DPYD: variants seen among roughly 807,000 people sequenced by gnomAD.
DPYD encodes dihydropyrimidine dehydrogenase.
DPYD carries 109 observed loss-of-function variants against 116.2 expected under a neutral mutation model. The ratio of observed to expected loss-of-function variants is 0.94; its 90% confidence interval spans 0.80 to 1.10. DPYD has a LOEUF of 1.10. DPYD is among the 50% of genes least tolerant of loss of function. The probability of loss-of-function intolerance (pLI) is 0.00; values close to 1 mark genes in which losing one functional copy is unlikely to be tolerated. For synonymous variants in DPYD, 440 were observed against 432.0 expected, an observed-to-expected ratio of 1.02 and a Z score of -0.23; for missense variants, 1,302 against 1,254.5, an observed-to-expected ratio of 1.04 and a Z score of -0.57.
chr1:97,255,708 G>GTTT (rs11428644), intron 18 of DPYD, among the ~76,000 whole-genome samples: 26 of 149,260 alleles, frequency 1.7e-4, no homozygotes, highest in East Asian at 7.9e-4. Flanking sequence ...TATTTTTGCC[G>GTTT]TTTTTTTTTT....
chr1:97,540,449 A>G (rs1370927948), intron 12 of DPYD, among the ~76,000 whole-genome samples: 1 of 152,136 alleles, frequency 6.6e-6, no homozygotes, highest in East Asian at 1.9e-4. Context: ...TACAAACACA[A>G]CAGTCAGATG....
intron 18 of DPYD, among the ~76,000 whole-genome samples, chr1:97,302,730 A>G (rs1433108155): frequency 1.3e-5 from 2 of 152,038 alleles, no homozygotes; most frequent in Non-Finnish European, 2.9e-5. Flanking sequence ...ATAAGTGTAT[A>G]TTATGTGTAT....
At chr1:97,724,647 G>T (rs1030378471) in intron 4 of DPYD, among the ~76,000 whole-genome samples, 1 of 151,284 alleles carries the variant, frequency 6.6e-6, no homozygotes, top group Admixed American at 6.6e-5. Context: ...ATTAGATGAG[G>T]CTCACCTACA....
chr1:97,837,577 A>C (rs927857816), intron 2 of DPYD, among the ~76,000 whole-genome samples: 4 of 152,152 alleles, frequency 2.6e-5, no homozygotes, highest in Non-Finnish European at 5.9e-5. Flanking sequence ...ATTATAGTCT[A>C]AACTCCTATT....
At chr1:97,788,790 C>T (rs565417830) in intron 3 of DPYD, among the ~76,000 whole-genome samples, 5 of 152,236 alleles carry the variant, frequency 3.3e-5, no homozygotes, top group African/African-American at 9.6e-5. Context: ...AAAATACAAG[C>T]TGTATTATTT....
chr1:97,721,452 T>G (rs1662917686), intron 5 of DPYD, 58 bp downstream of exon 5: 1 of 1,598,090 alleles, frequency 6.3e-7, no homozygotes, highest in Non-Finnish European at 8.6e-7. Context: ...AAAGTTATTT[T>G]AAGATATTTG....
At chr1:97,318,192 C>G (rs367790325) in intron 16 of DPYD, among the ~76,000 whole-genome samples, 16 of 145,482 alleles carry the variant, frequency 1.1e-4, no homozygotes, top group Middle Eastern at 3.4e-3. Context: ...AAATCACCAG[C>G]TAACATCATA....
At chr1:97,671,803 C>T (rs2100897579) in intron 8 of DPYD, among the ~76,000 whole-genome samples, 1 of 151,836 alleles carries the variant, frequency 6.6e-6, no homozygotes, top group Non-Finnish European at 1.5e-5. Flanking sequence ...TGCACACAAC[C>T]AAAAATGACA....
At chr1:97,236,084 G>A (rs892097581) in intron 18 of DPYD, among the ~76,000 whole-genome samples, 38 of 152,268 alleles carry the variant, frequency 2.5e-4, no homozygotes, top group African/African-American at 8.7e-4. Flanking sequence ...AAACATCCCA[G>A]AGTACATTAA....
chr1:97,450,058 C>G lies in DPYD; in HGVS notation c.1905+1G>C, dbSNP rs3918290. On this transcript the variant is annotated splice_donor_variant, in intron 14 of 22. Coordinates refer to ENST00000370192, the MANE Select transcript of DPYD (RefSeq NM_000110.4). LOFTEE classifies it high-confidence loss of function. The stretch of plus-strand genomic sequence containing the variant: ...TGTTTTAGATGTTAAATCACACTTA[C>G]GTTGTCTGGAAAGTCAGCCTTTAGT... The G allele has an allele frequency of 3.1e-6, 5 of 1,613,792 alleles. No homozygotes were observed. The highest frequency in any genetic ancestry group is 1.7e-5 in the Admixed American group (1 of 59,964).
chr1:97,176,875 TGTG>T (rs1657303650), intron 20 of DPYD, among the ~76,000 whole-genome samples: 1 of 120,952 alleles, frequency 8.3e-6, no homozygotes, highest in African/African-American at 4.4e-5. Context: ...AAAATGTGTG[TGTG>T]TGTGTGTGTG....
intron 20 of DPYD, among the ~76,000 whole-genome samples, chr1:97,173,313 C>CACACATATAT (rs534001431): frequency 1.7e-5 from 2 of 117,430 alleles, no homozygotes; most frequent in African/African-American, 6.4e-5. Context: ...CATATATATG[C>CACACATATAT]ACACATATAT....
chr1:97,129,187 G>A (rs1380753964), intron 20 of DPYD, among the ~76,000 whole-genome samples: 1 of 151,068 alleles, frequency 6.6e-6, no homozygotes, highest in African/African-American at 2.4e-5. Context: ...CCTCAGCCTT[G>A]CAAGTAGCTG....
intron 12 of DPYD, among the ~76,000 whole-genome samples, chr1:97,528,150 A>C (rs561891091): frequency 1.3e-5 from 2 of 152,300 alleles, no homozygotes; most frequent in Non-Finnish European, 2.9e-5. Flanking sequence ...ATTGAGGGAA[A>C]AATCTTACAG....
At chr1:97,537,752 G>T (rs1650123286) in intron 12 of DPYD, among the ~76,000 whole-genome samples, 1 of 152,164 alleles carries the variant, frequency 6.6e-6, no homozygotes, top group African/African-American at 2.4e-5. Flanking sequence ...CAAATTAGAT[G>T]AAATTAATGT....
intron 8 of DPYD, among the ~76,000 whole-genome samples, chr1:97,660,701 T>C (rs1052513123): frequency 6.6e-6 from 1 of 152,124 alleles, no homozygotes; most frequent in African/African-American, 2.4e-5. Context: ...ACCTTACTAC[T>C]TCACTAAGAA....
chr1:97,278,718 T>C (rs1665113631), intron 18 of DPYD, among the ~76,000 whole-genome samples: 1 of 152,216 alleles, frequency 6.6e-6, no homozygotes, highest in Non-Finnish European at 1.5e-5. Context: ...CAAAGTTTTC[T>C]GTTATGTAGT....
chr1:97,123,270 C>A (rs1231957657), intron 20 of DPYD, among the ~76,000 whole-genome samples: 1 of 152,094 alleles, frequency 6.6e-6, no homozygotes, highest in African/African-American at 2.4e-5. Flanking sequence ...GATATACACA[C>A]AAACAGTTTA....
chr1:97,744,168 A>C (rs540289519), intron 3 of DPYD, among the ~76,000 whole-genome samples: 3 of 152,172 alleles, frequency 2.0e-5, no homozygotes, highest in South Asian at 4.1e-4. Flanking sequence ...AAAACTATTA[A>C]AGATATATTT....
Sources: gnomAD v4.1 joint callset for allele counts (sites outside exome capture counted in the v4.1 genomes callset) on GRCh38, gnomAD v4.1.1 for gene constraint, MANE v1.5 for transcripts, NCBI Gene and HGNC (gene_info 2026-07-23, HGNC 2026-07-21) for gene names.